The following CDX1 variants were observed in gnomAD, a reference collection of about 807,000 sequenced individuals.
The protein encoded by CDX1 is homeobox protein CDX-1.
CDX1 carries 9 observed loss-of-function variants against 16.9 expected under a neutral mutation model. That is an observed-to-expected ratio of 0.53 (90% confidence interval 0.32 to 0.93). CDX1 has a LOEUF of 0.93. Among genes scored for constraint, CDX1 ranks in the 40% least tolerant of loss-of-function variants. The pLI is 0.04. For missense variants in CDX1, 393 were observed against 386.1 expected (o/e 1.02, Z -0.15); for synonymous variants, 179 against 179.0 (o/e 1.00, Z 0.00).
intron 1 of CDX1, among the ~76,000 whole-genome samples, chr5:150,181,439 C>G (rs1192060900): frequency 3.9e-5 from 6 of 152,128 alleles, no homozygotes; most frequent in African/African-American, 1.4e-4. Context: ...CCACGCCCGG[C>G]TAATTTTTGT....
Position 150,182,753 on chromosome 5 carries a change from CCTT to C in CDX1, c.446-12_446-10del. 1 of 1,548,666 alleles carries C rather than the reference CCTT, an allele frequency of 6.5e-7. No individual in the cohort carries two copies. Among genetic ancestry groups the C allele is most frequent in the Non-Finnish European group, 8.7e-7 (1 of 1,149,590 alleles). The stretch of plus-strand genomic sequence containing the variant: ...TCTCAACTCACCTTCCTTCCCGGCT[CCTT>C]CTGCTTCTCAGGTAAGACTCGGACC... On this transcript the variant is annotated splice_polypyrimidine_tract_variant and intron_variant, in intron 1 of 2. Coordinates refer to ENST00000231656, the MANE Select transcript of CDX1 (RefSeq NM_001804.3).
chr5:150,173,508 C>A (rs1761532538), intron 1 of CDX1, among the ~76,000 whole-genome samples: 1 of 152,230 alleles, frequency 6.6e-6, no homozygotes, highest in Admixed American at 6.5e-5. Flanking sequence ...AGTAAAGTAG[C>A]GTTCTTCCCC....
Position 150,175,831 on chromosome 5 carries a change from A to G in CDX1, c.446-6937A>G, listed in dbSNP as rs147373923. On this transcript the variant is annotated intron_variant, in intron 1 of 2. Transcript: ENST00000231656. Reference sequence around the variant, plus strand: ...CCCAGGTCAGTGTGTTCTTGGCCCTATGGCTCCCCATTAGGCGACATTCCT... The same window carrying G: ...CCCAGGTCAGTGTGTTCTTGGCCCTGTGGCTCCCCATTAGGCGACATTCCT... 1.3e-3 allele frequency among the ~76,000 whole-genome samples: 191 copies of G among 152,286 alleles called. 1 individual carries two copies. The highest frequency in any genetic ancestry group is 4.2e-3 in the African/African-American group (173 of 41,552).
Position 150,182,850 on chromosome 5 carries a change from C to T in CDX1, c.528C>T (p.Ser176=). The T allele has an allele frequency of 6.2e-7, 1 of 1,613,644 alleles. No individual in the cohort carries two copies. The highest frequency in any genetic ancestry group is 1.1e-5 in the South Asian group (1 of 91,016). ...AGCTGGAGAAGGAGTTTCATTACAG[C>T]CGTTACATCACAATCCGGCGGAAAT... is the stretch of plus-strand genomic sequence containing the variant. ...RLELEKEFHY[S]RYITIRRKSE... Residue 176 remains serine, a synonymous_variant, in exon 2 of 3, where the codon AGC becomes AGT. Transcript: ENST00000231656.
At position 150,183,810 on chromosome 5, in the gene CDX1, C is replaced by A; in HGVS notation, c.*130C>A. 1 of 671,998 alleles carries A rather than the reference C, an allele frequency of 1.5e-6. No homozygotes were observed. Among genetic ancestry groups the A allele is most frequent in the Non-Finnish European group, 2.4e-6 (1 of 411,058 alleles). The allele number at this position is 671,998 out of a possible 1,614,324, so 41.6% of individuals were successfully genotyped here. On this transcript the variant is annotated 3_prime_UTR_variant, in exon 3 of 3. Coordinates refer to ENST00000231656, the MANE Select transcript of CDX1 (RefSeq NM_001804.3). ...GGGACATGGTGGACAGTCACCTATC[C>A]ACCCTCTGCATCCCCTTGGCCCATC...
At chr5:150,167,648 A>G (rs1207335499) in intron 1 of CDX1, among the ~76,000 whole-genome samples, 2 of 152,096 alleles carry the variant, frequency 1.3e-5, no homozygotes, top group Non-Finnish European at 2.9e-5. Context: ...CTCATTTAGC[A>G]ACACCGACTC....
rs541021455 is a variant in CDX1, at chr5:150,184,099, C to A, written c.*419C>A. ...AGATGGAATGCTTGCAGAGCATGAC[C>A]TGAGGAGGGAGGAACGTGGTCAACT... On this transcript the variant is annotated 3_prime_UTR_variant, in exon 3 of 3. Transcript: ENST00000231656. The A allele has an allele frequency of 6.3e-6, 1 of 158,068 alleles. No homozygotes were observed. The highest frequency in any genetic ancestry group is 2.1e-4 in the South Asian group (1 of 4,874). The allele number at this position is 158,068 out of a possible 1,614,324, so 9.8% of individuals were successfully genotyped here. A position where few individuals can be genotyped will look rare whatever the true frequency, so the allele number is the denominator to read the frequency against.
chr5:150,183,334 TG>T, intron 2 of CDX1, 139 bp from the exon 3 acceptor site: 2 of 690,948 alleles, frequency 2.9e-6, no homozygotes, highest in Non-Finnish European at 4.7e-6. Context: ...AGGGTCCATG[TG>T]GTCTGGGAGG....
At chr5:150,168,539 G>C (rs1761463367) in intron 1 of CDX1, among the ~76,000 whole-genome samples, 1 of 152,228 alleles carries the variant, frequency 6.6e-6, no homozygotes, top group African/African-American at 2.4e-5. Context: ...AACGGACCAG[G>C]CATGACCTAA....
intron 1 of CDX1, among the ~76,000 whole-genome samples, chr5:150,168,646 G>C (rs1761464244): frequency 6.6e-6 from 1 of 152,216 alleles, no homozygotes; most frequent in Admixed American, 6.5e-5. Flanking sequence ...ATGGCATAGA[G>C]AGTTTAAGTA....
chr5:150,181,627 C>T (rs1752427717), intron 1 of CDX1, among the ~76,000 whole-genome samples: 2 of 152,176 alleles, frequency 1.3e-5, no homozygotes, highest in African/African-American at 2.4e-5. Context: ...TGAAATTCCC[C>T]TTTTCAGCAA....
At chr5:150,182,140 C>T (rs1006486967) in intron 1 of CDX1, among the ~76,000 whole-genome samples, 2 of 152,238 alleles carry the variant, frequency 1.3e-5, no homozygotes, top group South Asian at 2.1e-4. Context: ...TCTGCTTCCA[C>T]CTCTACCTGT....
At chr5:150,180,769 G>A (rs1393540936) in intron 1 of CDX1, among the ~76,000 whole-genome samples, 1 of 152,130 alleles carries the variant, frequency 6.6e-6, no homozygotes, top group Non-Finnish European at 1.5e-5. Flanking sequence ...TGCTTAGCCA[G>A]GCCCCACACA....
rs776667472 is a variant in CDX1 at position 150,183,496 on chromosome 5, G to A, written c.614G>A (p.Arg205Gln). The A allele has an allele frequency of 5.6e-6, 9 of 1,605,998 alleles. No individual in the cohort carries two copies. The highest frequency in any genetic ancestry group is 1.7e-5 in the Admixed American group (1 of 59,390). ...ERQVKIWFQN[R>Q]RAKERKVNKK... ...CAGGTGAAGATCTGGTTCCAAAACC[G>A]GCGGGCAAAGGAGCGCAAAGTGAAC... Residue 205 changes from arginine (R) to glutamine (Q), a missense_variant, in exon 3 of 3, where the codon CGG (arginine) becomes CAG (glutamine). Transcript: ENST00000231656.
chr5:150,176,521 G>A (rs555856159), intron 1 of CDX1, among the ~76,000 whole-genome samples: 13 of 152,274 alleles, frequency 8.5e-5, no homozygotes, highest in Admixed American at 3.9e-4. Context: ...GCTGGAGGGC[G>A]TGTGGGGCAG....
chr5:150,171,877 G>A (rs1427029719), intron 1 of CDX1, among the ~76,000 whole-genome samples: 3 of 152,242 alleles, frequency 2.0e-5, no homozygotes, highest in Non-Finnish European at 2.9e-5. Flanking sequence ...TGCTGTAACA[G>A]GATAATAATA....
chr5:150,166,970 C>CCCCCGG lies in CDX1; in HGVS notation c.100_105dup (p.Ala34_Pro35dup). 1.4e-6 allele frequency: 2 copies of CCCCCGG among 1,459,782 alleles called. No homozygotes were observed. Among genetic ancestry groups the CCCCCGG allele is most frequent in the Non-Finnish European group, 9.0e-7 (1 of 1,110,416 alleles). 90.4% of individuals were successfully genotyped at this position (1,459,782 alleles called of 1,614,324 possible). A position where few individuals can be genotyped will look rare whatever the true frequency, so the allele number is the denominator to read the frequency against. ...CGGCCTGGGCCCGCAAGCCTACGGC[C>CCCCCGG]CCCCGGCCCCGCCCCCGGCGCCCCC... On this transcript the variant is annotated inframe_insertion, in exon 1 of 3. Transcript: ENST00000231656.
chr5:150,178,609 G>A (rs1310293648), intron 1 of CDX1, among the ~76,000 whole-genome samples: 1 of 152,182 alleles, frequency 6.6e-6, no homozygotes, highest in African/African-American at 2.4e-5. Flanking sequence ...TGGGACTGGA[G>A]CCCAGGGCTC....
chr5:150,170,753 C>A (rs1251308943), intron 1 of CDX1, among the ~76,000 whole-genome samples: 1 of 152,150 alleles, frequency 6.6e-6, no homozygotes, highest in African/African-American at 2.4e-5. Flanking sequence ...GAGAGAGAGG[C>A]TGTTGGGCTT....
Sources: allele counts gnomAD v4.1 joint callset (sites outside exome capture counted in the v4.1 genomes callset), GRCh38; gene constraint gnomAD v4.1.1; transcripts MANE v1.5; gene names NCBI Gene and HGNC (gene_info 2026-07-23, HGNC 2026-07-21).